The following TRMT9B variants were observed in gnomAD, a reference collection of about 807,000 sequenced individuals.
The protein encoded by TRMT9B is tRNA methyltransferase 9B (putative), also known as probable tRNA methyltransferase 9B.
TRMT9B carries 16 observed loss-of-function variants against 11.5 expected under a neutral mutation model. That is an observed-to-expected ratio of 1.39 (90% confidence interval 0.94 to 2.11). The LOEUF is 2.11. Among genes scored for constraint, TRMT9B ranks in the 30% most tolerant of loss-of-function variants. The probability of loss-of-function intolerance (pLI) is 0.00; values close to 1 mark genes in which losing one functional copy is unlikely to be tolerated. For synonymous variants in TRMT9B, 274 were observed against 192.4 expected (o/e 1.42, Z -3.51); for missense variants, 941 against 553.8 (o/e 1.70, Z -7.02).
At chr8:12,977,142 A>T (rs765777921) in intron 1 of TRMT9B, among the ~76,000 whole-genome samples, 2 of 152,228 alleles carry the variant, frequency 1.3e-5, no homozygotes, top group South Asian at 2.1e-4. Context: ...TGCCCTCTCC[A>T]GGTTGGAAGG....
intron 1 of TRMT9B, among the ~76,000 whole-genome samples, chr8:12,970,917 T>C (rs925210632): frequency 6.6e-6 from 1 of 152,200 alleles, no homozygotes; most frequent in African/African-American, 2.4e-5. Context: ...TTAAAACACA[T>C]TTCTCTATGA....
chr8:12,965,033 C>G (rs532545951), intron 1 of TRMT9B, among the ~76,000 whole-genome samples: 1 of 152,326 alleles, frequency 6.6e-6, no homozygotes, highest in South Asian at 2.1e-4. Context: ...ACCCCTCCCA[C>G]TAGAAGAAGT....
chr8:13,028,518 T>A lies in TRMT9B; in HGVS notation c.*6474T>A, dbSNP rs1164629690. 6.0e-6 allele frequency: 1 copy of A among 166,684 alleles called. No homozygotes were observed. The highest frequency in any genetic ancestry group is 1.5e-5 in the Non-Finnish European group (1 of 68,108). 10.3% of individuals were successfully genotyped at this position (166,684 alleles called of 1,614,324 possible). ...TTCCCTGAAGAAGGTACAATTATAT[T>A]TACATTCCCTTAGCAAGAATTTGGC... is the stretch of plus-strand genomic sequence containing the variant. On this transcript the variant is annotated 3_prime_UTR_variant, in exon 5 of 5. Coordinates refer to ENST00000524591, the MANE Select transcript of TRMT9B (RefSeq NM_020844.3).
intron 2 of TRMT9B, among the ~76,000 whole-genome samples, chr8:12,991,701 G>T (rs1807364454): frequency 6.6e-6 from 1 of 152,170 alleles, no homozygotes; most frequent in Non-Finnish European, 1.5e-5. Context: ...GGGAGGCCGA[G>T]GCAGGTGGAT....
rs138128482 is a variant in TRMT9B at position 13,023,196 on chromosome 8, T to A, written c.*1152T>A. The A allele has an allele frequency of 6.0e-6, 1 of 167,144 alleles. No individual in the cohort carries two copies. The highest frequency in any genetic ancestry group is 2.4e-5 in the African/African-American group (1 of 41,456). 10.4% of individuals were successfully genotyped at this position (167,144 alleles called of 1,614,324 possible). A position where few individuals can be genotyped will look rare whatever the true frequency, so the allele number is the denominator to read the frequency against. Reference sequence around the variant, plus strand: ...AATATCCAAGACCAAGATTGACTAATGATGAGTCTGCATCAAGAACTAGGC... The same window carrying A: ...AATATCCAAGACCAAGATTGACTAAAGATGAGTCTGCATCAAGAACTAGGC... On this transcript the variant is annotated 3_prime_UTR_variant, in exon 5 of 5. Coordinates refer to ENST00000524591, the MANE Select transcript of TRMT9B (RefSeq NM_020844.3).
chr8:12,998,616 G>A (rs951830474), intron 2 of TRMT9B, among the ~76,000 whole-genome samples: 3 of 152,200 alleles, frequency 2.0e-5, no homozygotes, highest in Non-Finnish European at 2.9e-5. Flanking sequence ...AAAAAGCACC[G>A]TCTTGAGGAC....
At chr8:12,998,624 G>A (rs1209295866) in intron 2 of TRMT9B, among the ~76,000 whole-genome samples, 2 of 152,198 alleles carry the variant, frequency 1.3e-5, no homozygotes, top group African/African-American at 2.4e-5. Flanking sequence ...CCGTCTTGAG[G>A]ACATTTAGTT....
At chr8:12,949,881 G>A (rs758468654) in intron 1 of TRMT9B, among the ~76,000 whole-genome samples, 3 of 151,754 alleles carry the variant, frequency 2.0e-5, no homozygotes, top group Non-Finnish European at 4.4e-5. Context: ...TTTTGAGATA[G>A]GTTCTCTGTC....
intron 1 of TRMT9B, chr8:12,970,130 T>C (rs2128867924): frequency 6.6e-6 from 1 of 152,336 alleles, no homozygotes; most frequent in Non-Finnish European, 1.5e-5. Flanking sequence ...ATAACACCAA[T>C]ACCACCTGGT....
At chr8:13,019,790 G>A (rs1319456782) in intron 4 of TRMT9B, among the ~76,000 whole-genome samples, 2 of 152,150 alleles carry the variant, frequency 1.3e-5, no homozygotes, top group Non-Finnish European at 2.9e-5. Flanking sequence ...GAGGCCAGGA[G>A]GGTAGAGTGA....
chr8:12,967,740 T>G (rs924039225), intron 1 of TRMT9B, among the ~76,000 whole-genome samples: 3 of 152,230 alleles, frequency 2.0e-5, no homozygotes, highest in Admixed American at 6.5e-5. Context: ...TACATCTTTA[T>G]GCATATAGTG....
chr8:12,971,542 G>A (rs1803630612), intron 1 of TRMT9B, among the ~76,000 whole-genome samples: 1 of 152,158 alleles, frequency 6.6e-6, no homozygotes, highest in Non-Finnish European at 1.5e-5. Flanking sequence ...CATCTAGTGC[G>A]ATATCCAGTA....
intron 2 of TRMT9B, among the ~76,000 whole-genome samples, chr8:13,003,255 T>C (rs182152437): frequency 2.0e-5 from 3 of 152,236 alleles, no homozygotes; most frequent in Admixed American, 6.5e-5. Flanking sequence ...TGATTGAAAA[T>C]ACTTTCATAC....
At chr8:13,017,572 T>G (rs1466476821) in intron 4 of TRMT9B, among the ~76,000 whole-genome samples, 1 of 152,006 alleles carries the variant, frequency 6.6e-6, no homozygotes, top group Non-Finnish European at 1.5e-5. Flanking sequence ...TGCGTATGCA[T>G]GTCTAATACA....
chr8:13,013,418 A>G (rs1376750035), intron 4 of TRMT9B, among the ~76,000 whole-genome samples: 1 of 152,102 alleles, frequency 6.6e-6, no homozygotes, highest in East Asian at 1.9e-4. Context: ...GAGTCTAGGG[A>G]ATGTGTTTCT....
chr8:12,953,959 G>T (rs558166941), intron 1 of TRMT9B, among the ~76,000 whole-genome samples: 1 of 152,280 alleles, frequency 6.6e-6, no homozygotes, highest in East Asian at 1.9e-4. Flanking sequence ...AAGAAATTTT[G>T]TTTCTAGAAA....
chr8:13,022,052 C>A lies in TRMT9B; in HGVS notation c.*8C>A, dbSNP rs1023804924. The A allele has an allele frequency of 3.9e-6, 6 of 1,531,054 alleles. No individual in the cohort carries two copies. The South Asian group carries it at 5.2e-5, about 13-fold the overall frequency. The allele number at this position is 1,531,054 out of a possible 1,614,324, so 94.8% of individuals were successfully genotyped here. ...AAGAGAGGTTGTGATTGATTGGATC[C>A]TTTTAGACAACTCCTCCAAAAGATG... On this transcript the variant is annotated 3_prime_UTR_variant, in exon 5 of 5. Transcript: ENST00000524591.
At chr8:12,966,200 ACCCATACCTCTGGTC>A (rs1362906808) in intron 1 of TRMT9B, among the ~76,000 whole-genome samples, 1 of 151,792 alleles carries the variant, frequency 6.6e-6, no homozygotes, top group Non-Finnish European at 1.5e-5. Context: ...TGGCATGGTG[ACCCATACCTCTGGTC>A]CCAGCTACTC....
chr8:13,006,096 A>T, intron 2 of TRMT9B, 106 bp from the exon 3 acceptor site: 1 of 1,004,462 alleles, frequency 1.0e-6, no homozygotes, highest in Non-Finnish European at 1.5e-6. Context: ...AAACAGCATG[A>T]GTTTGCAGTT....
Sources: allele counts gnomAD v4.1 joint callset (sites outside exome capture counted in the v4.1 genomes callset), GRCh38; gene constraint gnomAD v4.1.1; transcripts MANE v1.5; gene names NCBI Gene and HGNC (gene_info 2026-07-23, HGNC 2026-07-21).